The following TRIM24 variants were observed in gnomAD, a reference collection of about 807,000 sequenced individuals.
TRIM24 encodes tripartite motif containing 24.
In TRIM24, 29 loss-of-function variants were observed where a neutral mutation model predicts 123.9. The ratio of observed to expected loss-of-function variants is 0.23; its 90% CI spans 0.17 to 0.32. The LOEUF (loss-of-function observed/expected upper bound fraction) is 0.32, where lower values mean the gene tolerates loss of function less well. TRIM24 is among the 10% of genes least tolerant of loss of function. TRIM24 has a pLI of 1.00. For synonymous variants in TRIM24, 456 were observed against 461.1 expected, an observed-to-expected ratio of 0.99 and a Z score of 0.14; for missense variants, 932 against 1,295.3, an observed-to-expected ratio of 0.72 and a Z score of 4.31.
chr7:138,463,937 T>G (rs1239865385), intron 1 of TRIM24, among the ~76,000 whole-genome samples: 1 of 151,104 alleles, frequency 6.6e-6, no homozygotes, highest in Non-Finnish European at 1.5e-5. Flanking sequence ...ATTTTGTCCC[T>G]TTATCTCTCC....
chr7:138,535,480 A>G (rs1190605001), intron 6 of TRIM24, among the ~76,000 whole-genome samples: 1 of 152,076 alleles, frequency 6.6e-6, no homozygotes, highest in Non-Finnish European at 1.5e-5. Flanking sequence ...TATGAAGCTT[A>G]GTTTGGCTAG....
intron 4 of TRIM24, among the ~76,000 whole-genome samples, chr7:138,523,781 TTA>T (rs1796554596): frequency 6.7e-6 from 1 of 149,508 alleles, no homozygotes; most frequent in African/African-American, 2.4e-5. Context: ...AGCCCCTTTC[TTA>T]TACAAACTTG....
intron 1 of TRIM24, among the ~76,000 whole-genome samples, chr7:138,477,947 G>A (rs1417911183): frequency 1.3e-5 from 2 of 152,168 alleles, no homozygotes; most frequent in African/African-American, 2.4e-5. Flanking sequence ...AAAGTTTGCT[G>A]CTGATTTAGT....
chr7:138,482,408 G>T (rs1396322445), intron 1 of TRIM24, among the ~76,000 whole-genome samples: 1 of 151,966 alleles, frequency 6.6e-6, no homozygotes, highest in Non-Finnish European at 1.5e-5. Flanking sequence ...TAGGCTATTG[G>T]GATTATGAGA....
Position 138,550,975 on chromosome 7 carries a change from G to A in TRIM24, c.1144-88G>A, listed in dbSNP as rs138388180. On this transcript the variant is annotated intron_variant, in intron 7 of 18. Transcript: ENST00000343526. The stretch of plus-strand genomic sequence containing the variant: ...ATATGATTGTTTATTGTGTATTGAT[G>A]TACATACCAGAGACTGTTTTTGTAT... 1.9e-3 allele frequency: 1,924 copies of A among 1,001,170 alleles called. 3 individuals are homozygous for A. Among genetic ancestry groups the A allele is most frequent in the Non-Finnish European group, 2.7e-3 (1,724 of 643,318 alleles). The allele number at this position is 1,001,170 out of a possible 1,614,324, so 62.0% of individuals were successfully genotyped here. A position where few individuals can be genotyped will look rare whatever the true frequency, so the allele number is the denominator to read the frequency against.
chr7:138,583,544 C>T (rs893151430), intron 17 of TRIM24, among the ~76,000 whole-genome samples: 1 of 152,124 alleles, frequency 6.6e-6, no homozygotes, highest in African/African-American at 2.4e-5. Flanking sequence ...CACTTAAGCC[C>T]AGGAGGCAAA....
intron 2 of TRIM24, chr7:138,514,992 C>A: frequency 2.5e-6 from 1 of 403,612 alleles, no homozygotes. Context: ...ATTTGGGATG[C>A]TGAATTAAGG....
intron 2 of TRIM24, among the ~76,000 whole-genome samples, chr7:138,505,767 T>G (rs746904876): frequency 2.2e-4 from 34 of 152,206 alleles, no homozygotes; most frequent in Non-Finnish European, 4.7e-4. Context: ...GTGTTTTTCG[T>G]TTGTTTCTAA....
At chr7:138,494,753 A>G (rs1240988456) in intron 1 of TRIM24, among the ~76,000 whole-genome samples, 2 of 152,196 alleles carry the variant, frequency 1.3e-5, no homozygotes, top group African/African-American at 4.8e-5. Context: ...TACATTCCCA[A>G]CAAGAGTATA....
In TRIM24 at chr7:138,587,966, A is replaced by C. The variant is rs1383687964; in HGVS notation, c.*3015A>C. 1.3e-5 allele frequency: 2 copies of C among 152,218 alleles called. No individual in the cohort carries two copies. The highest frequency in any genetic ancestry group is 4.8e-5 in the African/African-American group (2 of 41,460). 9.4% of individuals were successfully genotyped at this position (152,218 alleles called of 1,614,324 possible). On this transcript the variant is annotated 3_prime_UTR_variant, in exon 19 of 19. Coordinates refer to ENST00000343526, the MANE Select transcript of TRIM24 (RefSeq NM_015905.3). Reference sequence around the variant, plus strand: ...GCCCTGCTTGTCTTTTCTGAATGGAAGGGTAGGAAAGTGGAAGGTACTAAA... The same window carrying C: ...GCCCTGCTTGTCTTTTCTGAATGGACGGGTAGGAAAGTGGAAGGTACTAAA...
At chr7:138,574,689 T>C (rs148936035) in intron 12 of TRIM24, among the ~76,000 whole-genome samples, 27 of 152,264 alleles carry the variant, frequency 1.8e-4, no homozygotes, top group African/African-American at 6.3e-4. Context: ...AGAGGTACTC[T>C]CATACATAGG....
At chr7:138,580,464 A>G (rs1314392054) in intron 15 of TRIM24, 98 bp from the exon 16 acceptor site, 2 of 1,458,866 alleles carry the variant, frequency 1.4e-6, no homozygotes, top group African/African-American at 1.4e-5. Flanking sequence ...CAAATGAACA[A>G]TTCTGTATCA....
rs769064315 is a variant in TRIM24 at position 138,579,321 on chromosome 7, C to T, written c.2374C>T (p.Leu792Phe). Residue 792 changes from leucine (L) to phenylalanine (F), a missense_variant, in exon 15 of 19, where the codon CTT becomes TTT. Transcript: ENST00000343526. ...APDSTGDQPG[L>F]HQDNSSNGKS... ...TGATAGTACAGGAGATCAACCTGGA[C>T]TTCACCAGGACAATTCCTCAAATGG... 3.7e-6 allele frequency: 6 copies of T among 1,614,064 alleles called. No individual in the cohort carries two copies. The highest frequency in any genetic ancestry group is 1.3e-5 in the African/African-American group (1 of 74,938).
intron 1 of TRIM24, among the ~76,000 whole-genome samples, chr7:138,487,556 G>C (rs558045389): frequency 3.4e-4 from 52 of 152,210 alleles, no homozygotes; most frequent in African/African-American, 1.1e-3. Flanking sequence ...TAGCATGAAG[G>C]GCTGTTGAAT....
intron 17 of TRIM24, 34 bp from the exon 18 acceptor site, chr7:138,583,816 C>T (rs1584752391): frequency 8.6e-6 from 12 of 1,392,012 alleles, no homozygotes; most frequent in African/African-American, 5.9e-5. Context: ...TGGAATTTAG[C>T]TATTTGTATT....
chr7:138,493,649 T>G (rs1004960346), intron 1 of TRIM24, among the ~76,000 whole-genome samples: 1 of 152,206 alleles, frequency 6.6e-6, no homozygotes, highest in Non-Finnish European at 1.5e-5. Flanking sequence ...CCATCTCTGC[T>G]GATCCTCAGG....
chr7:138,505,120 A>T (rs1343476688), intron 2 of TRIM24, among the ~76,000 whole-genome samples: 1 of 152,208 alleles, frequency 6.6e-6, no homozygotes, highest in Non-Finnish European at 1.5e-5. Context: ...AAATAAAAGG[A>T]GCCAAACATT....
rs749919276 is a variant in TRIM24, at chr7:138,570,896, C to G, written c.1771C>G (p.Pro591Ala). The change falls in exon 11 of 19, where the codon CCC (proline) becomes GCC (alanine). Residue 591 changes from proline (P) to alanine (A), a missense_variant. By Grantham distance (27) the Pro-to-Ala change is conservative (BLOSUM62 -1). Coordinates refer to ENST00000343526, the MANE Select transcript of TRIM24 (RefSeq NM_015905.3). ...TNSTSSTPSSPTITSAAGYDG... is the reference protein window; with the variant it reads ...TNSTSSTPSSATITSAAGYDG... ...CAGCACATCCTCTACTCCTTCCAGC[C>G]CCACGATTACTAGTGCAGCAGGATA... 1.9e-6 allele frequency: 3 copies of G among 1,613,946 alleles called. No individual in the cohort carries two copies. Among genetic ancestry groups the G allele is most frequent in the Admixed American group, 1.7e-5 (1 of 59,988 alleles).
intron 4 of TRIM24, among the ~76,000 whole-genome samples, chr7:138,523,099 C>G (rs1390058322): frequency 6.6e-6 from 1 of 152,038 alleles, no homozygotes; most frequent in African/African-American, 2.4e-5. Context: ...ATAATAAAGA[C>G]AAGTGTAGAA....
Sources: allele counts gnomAD v4.1 joint callset (sites outside exome capture counted in the v4.1 genomes callset), GRCh38; gene constraint gnomAD v4.1.1; transcripts MANE v1.5; gene names NCBI Gene and HGNC (gene_info 2026-07-23, HGNC 2026-07-21).